RFC1: variants seen among roughly 807,000 people sequenced by gnomAD.
RFC1 encodes replication factor C subunit 1.
RFC1 carries 37 observed loss-of-function variants against 137.4 expected under a neutral mutation model. The ratio of observed to expected loss-of-function variants is 0.27; its 90% CI spans 0.21 to 0.35. RFC1 has a LOEUF of 0.35. Ranked by LOEUF, RFC1 falls within the 10% of genes least tolerant of loss-of-function variation. RFC1 has a pLI of 1.00. For missense variants in RFC1, 1,205 were observed against 1,358.5 expected (o/e 0.89, Z 1.78); for synonymous variants, 429 against 455.7 (o/e 0.94, Z 0.75).
rs540819417 is a variant in RFC1, at chr4:39,288,353, T to TA, written c.*407dup. 5 of 155,064 alleles carry TA rather than the reference T, an allele frequency of 3.2e-5. No homozygotes were observed. Among genetic ancestry groups the TA allele is most frequent in the Non-Finnish European group, 5.7e-5 (4 of 70,206 alleles). 9.6% of individuals were successfully genotyped at this position (155,064 alleles called of 1,614,324 possible). ...TTCACCACATAATAGGAACTGCCTT[T>TA]AAAAAAAATCAGCATTGGTCCTATA... On this transcript the variant is annotated 3_prime_UTR_variant, in exon 25 of 25. Coordinates refer to ENST00000349703, the MANE Select transcript of RFC1 (RefSeq NM_002913.5).
At chr4:39,319,387 G>A (rs941822367) in intron 9 of RFC1, among the ~76,000 whole-genome samples, 1 of 152,122 alleles carries the variant, frequency 6.6e-6, no homozygotes, top group South Asian at 2.1e-4. Context: ...TCTTAGAATA[G>A]TTAAACTCTT....
chr4:39,349,939 G>A (rs1206582938), intron 2 of RFC1, among the ~76,000 whole-genome samples: 1 of 152,206 alleles, frequency 6.6e-6, no homozygotes, highest in Non-Finnish European at 1.5e-5. Context: ...AGGAGGCAGA[G>A]GTTGCGGTGA....
chr4:39,329,633 G>A (rs1009607088), intron 4 of RFC1, among the ~76,000 whole-genome samples: 4 of 152,006 alleles, frequency 2.6e-5, no homozygotes, highest in East Asian at 1.9e-4. Context: ...AGCTACTCAG[G>A]AGGCTAAGGC....
chr4:39,305,004 A>G, intron 14 of RFC1, 76 bp from the exon 15 acceptor site: 1 of 826,900 alleles, frequency 1.2e-6, no homozygotes, highest in South Asian at 1.4e-5. Context: ...AGGCCAGTTA[A>G]GAAAGAAAGA....
rs779768249 is a variant in RFC1, at chr4:39,302,360, C to T, written c.2453G>A (p.Ser818Asn). 1.9e-6 allele frequency: 3 copies of T among 1,612,610 alleles called. No individual in the cohort carries two copies. Among genetic ancestry groups the T allele is most frequent in the Non-Finnish European group, 2.5e-6 (3 of 1,178,636 alleles). ...TGCTTTACTTCGTGCACACCACATA[C>T]TCAGATTATGTAAAACCTAAAAGAA... is the stretch of plus-strand genomic sequence containing the variant. ...QDIRQVLHNL[S>N]MWCARSKALT... is the part of the protein sequence containing the mutation. The change falls in exon 19 of 25, where the codon AGT (serine) becomes AAT (asparagine). Residue 818 changes from serine to asparagine, a missense_variant. Coordinates refer to ENST00000349703, the MANE Select transcript of RFC1 (RefSeq NM_002913.5).
Position 39,312,926 on chromosome 4 carries a change from A to G in RFC1, c.1209T>C (p.Ala403=). The change falls in exon 11 of 25, where the codon GCT becomes GCC. Residue 403 remains alanine (A), a synonymous_variant. Transcript: ENST00000349703. ...ALGSKEIPKG[A]ENCLEGLIFV... ...ATATAAGGCCTTCCAAGCAATTTTC[A>G]GCTCCCTAAAAACCAAAATGTTCAA... 1 of 1,597,468 alleles carries G rather than the reference A, an allele frequency of 6.3e-7. No individual in the cohort carries two copies. The highest frequency in any genetic ancestry group is 8.5e-7 in the Non-Finnish European group (1 of 1,170,260).
Position 39,304,750 on chromosome 4 carries a change from C to G in RFC1, c.2110+64G>C. On this transcript the variant is annotated intron_variant, in intron 15 of 24. Transcript: ENST00000349703. ...CACAACCTGTGTTCAATACTGGTTA[C>G]TGAACATTGAAATGAACATATTTTT... The G allele has an allele frequency of 4.2e-6, 4 of 953,084 alleles. No individual in the cohort carries two copies. The African/African-American group carries it at 4.8e-5, about 12-fold the overall frequency. The allele number at this position is 953,084 out of a possible 1,614,324, so 59.0% of individuals were successfully genotyped here.
chr4:39,308,780 CTT>C lies in RFC1; in HGVS notation c.1739_1740del (p.Lys580SerfsTer9). ...RNLADDSSEN[K>X]VENLLWVDKY... ...TTATCCACCCAGAGCAAATTTTCCA[CTT>C]TGTTTTCACTGCTGTCATCAGCCAA... On this transcript the variant is annotated frameshift_variant, in exon 13 of 25. Transcript: ENST00000349703. LOFTEE classifies it high-confidence loss of function. The C allele has an allele frequency of 6.2e-7, 1 of 1,614,196 alleles. No homozygotes were observed. The highest frequency in any genetic ancestry group is 8.5e-7 in the Non-Finnish European group (1 of 1,180,016).
Position 39,308,826 on chromosome 4 carries a change from A to C in RFC1, c.1695T>G (p.Gly565=). 1 of 1,614,078 alleles carries C rather than the reference A, an allele frequency of 6.2e-7. No homozygotes were observed. Among genetic ancestry groups the C allele is most frequent in the Non-Finnish European group, 8.5e-7 (1 of 1,179,992 alleles). The stretch of plus-strand genomic sequence containing the variant: ...CAGCCAAATTCCTAGCCTTGCTGTC[A>C]CCACTTGTCTCCTCAGCCACCTGCT... ...FKEQVAEETS[G]DSKARNLADD... Residue 565 remains glycine (G), a synonymous_variant, in exon 13 of 25, where the codon GGT becomes GGG. Transcript: ENST00000349703.
chr4:39,365,484 G>A (rs536318228), intron 1 of RFC1: 2 of 985,306 alleles, frequency 2.0e-6, no homozygotes, highest in African/African-American at 1.7e-5. Flanking sequence ...CTGCTTTGCT[G>A]GCTGCATAAT....
At chr4:39,335,243 T>C (rs1740293435) in intron 4 of RFC1, among the ~76,000 whole-genome samples, 1 of 152,188 alleles carries the variant, frequency 6.6e-6, no homozygotes, top group Admixed American at 6.5e-5. Flanking sequence ...ATCTAAACCA[T>C]CATTTTGGTT....
intron 3 of RFC1, among the ~76,000 whole-genome samples, chr4:39,343,405 T>C (rs1490427231): frequency 6.6e-6 from 1 of 152,210 alleles, no homozygotes; most frequent in Non-Finnish European, 1.5e-5. Flanking sequence ...TATAACCTAA[T>C]ATAGTCACAG....
intron 13 of RFC1, 46 bp downstream of exon 13, chr4:39,308,590 A>T (rs375132820): frequency 3.2e-4 from 503 of 1,564,182 alleles, no homozygotes; most frequent in Non-Finnish European, 4.2e-4. Context: ...GAGCAATCAC[A>T]TGTTGATATA....
At chr4:39,325,965 C>T (rs2109682447) in intron 6 of RFC1, among the ~76,000 whole-genome samples, 1 of 152,264 alleles carries the variant, frequency 6.6e-6, no homozygotes, top group East Asian at 1.9e-4. Context: ...GTGGCTCACA[C>T]CTGTAATCCC....
At chr4:39,363,068 C>A (rs16995255) in intron 1 of RFC1, among the ~76,000 whole-genome samples, 4 of 152,052 alleles carry the variant, frequency 2.6e-5, no homozygotes, top group Admixed American at 6.5e-5. Context: ...GACCTCACGG[C>A]TCTTCAAACA....
chr4:39,333,792 A>C (rs1740224946), intron 4 of RFC1, among the ~76,000 whole-genome samples: 1 of 152,214 alleles, frequency 6.6e-6, no homozygotes. Context: ...TTCAAGCTAT[A>C]GATTTAAAAA....
At chr4:39,294,967 C>T (rs576036168) in intron 22 of RFC1, among the ~76,000 whole-genome samples, 1 of 152,344 alleles carries the variant, frequency 6.6e-6, no homozygotes, top group South Asian at 2.1e-4. Flanking sequence ...CGCATCACTG[C>T]ATTCCAGCCT....
chr4:39,288,975 A>T lies in RFC1; in HGVS notation c.3361-131T>A, dbSNP rs1578094759. 1.0e-5 allele frequency: 7 copies of T among 668,608 alleles called. No individual in the cohort carries two copies. The East Asian group carries it at 1.9e-4, about 18-fold the overall frequency. 41.4% of individuals were successfully genotyped at this position (668,608 alleles called of 1,614,324 possible). ...AAGAAGAGAGGCTGCAAACATCGAG[A>T]TCTTGAACTACTGCAACCCATGAAG... On this transcript the variant is annotated intron_variant, in intron 24 of 24. Transcript: ENST00000349703.
At chr4:39,352,723 T>G (rs1244939018) in intron 1 of RFC1, among the ~76,000 whole-genome samples, 1 of 152,152 alleles carries the variant, frequency 6.6e-6, no homozygotes, top group African/African-American at 2.4e-5. Flanking sequence ...ACTGAAACAC[T>G]CTGTTTATCA....
Sources: gnomAD v4.1 joint callset for allele counts (sites outside exome capture counted in the v4.1 genomes callset) on GRCh38, gnomAD v4.1.1 for gene constraint, MANE v1.5 for transcripts, NCBI Gene and HGNC (gene_info 2026-07-23, HGNC 2026-07-21) for gene names.